The following ZNF365 variants were observed in gnomAD, a reference collection of about 807,000 sequenced individuals.
The protein encoded by ZNF365 is zinc finger protein 365.
ZNF365 carries 22 observed loss-of-function variants against 35.0 expected under a neutral mutation model. The ratio of observed to expected loss-of-function variants is 0.63; its 90% CI spans 0.45 to 0.90. The LOEUF (loss-of-function observed/expected upper bound fraction) is 0.90, where lower values mean the gene tolerates loss of function less well. Among genes scored for constraint, ZNF365 ranks in the 40% least tolerant of loss-of-function variants. The pLI is 0.00. For synonymous variants in ZNF365, 188 were observed against 196.2 expected (o/e 0.96, Z 0.35); for missense variants, 448 against 500.3 (o/e 0.90, Z 1.00).
downstream of ZNF365, among the ~76,000 whole-genome samples, chr10:62,404,401 A>G (rs1365178884): frequency 6.6e-6 from 1 of 152,250 alleles, no homozygotes; most frequent in East Asian, 1.9e-4. Context: ...CAGATGTCAA[A>G]TTACTAAATG....
chr10:62,454,597 A>G (rs928846378), intron 3 of ZNF365, among the ~76,000 whole-genome samples: 1 of 151,860 alleles, frequency 6.6e-6, no homozygotes, highest in Non-Finnish European at 1.5e-5. Flanking sequence ...CAAGGTGTTG[A>G]TGTTACTGAG....
At chr10:62,450,225 G>GT (rs777886469) in intron 3 of ZNF365, among the ~76,000 whole-genome samples, 1 of 152,152 alleles carries the variant, frequency 6.6e-6, no homozygotes, top group Non-Finnish European at 1.5e-5. Context: ...CAGGTAATTT[G>GT]TAACAACGAT....
At chr10:62,388,310 T>G in intron 2 of ZNF365, 86 bp from the exon 3 acceptor site, 4 of 1,479,994 alleles carry the variant, frequency 2.7e-6, no homozygotes, top group Non-Finnish European at 3.7e-6. Context: ...AACTGACAAA[T>G]AGTAGGCACT....
chr10:62,443,574 C>T (rs1271703861), intron 3 of ZNF365, among the ~76,000 whole-genome samples: 1 of 152,202 alleles, frequency 6.6e-6, no homozygotes, highest in Non-Finnish European at 1.5e-5. Context: ...GAGTTAAAAA[C>T]ATTAACTTCA....
chr10:62,459,007 G>T (rs2132479372), intron 3 of ZNF365, among the ~76,000 whole-genome samples: 1 of 152,270 alleles, frequency 6.6e-6, no homozygotes, highest in African/African-American at 2.4e-5. Flanking sequence ...ACCCATGAAA[G>T]AAATGACTAT....
At chr10:62,450,833 G>A (rs184196953) in intron 3 of ZNF365, among the ~76,000 whole-genome samples, 1 of 152,342 alleles carries the variant, frequency 6.6e-6, no homozygotes, top group East Asian at 1.9e-4. Flanking sequence ...TGGATATTGT[G>A]CTTGGTAAAT....
downstream of ZNF365, among the ~76,000 whole-genome samples, chr10:62,405,788 G>T (rs897172475): frequency 2.6e-5 from 4 of 152,180 alleles, no homozygotes; most frequent in Non-Finnish European, 5.9e-5. Context: ...AAGTGGCATT[G>T]TTCACTTTGG....
At chr10:62,419,597 T>A (rs1840134473) in intron 3 of ZNF365, among the ~76,000 whole-genome samples, 1 of 152,124 alleles carries the variant, frequency 6.6e-6, no homozygotes, top group South Asian at 2.1e-4. Context: ...GTGCACATTG[T>A]TTAGCTATTG....
intron 4 of ZNF365, among the ~76,000 whole-genome samples, chr10:62,469,529 A>G (rs928260304): frequency 2.0e-5 from 3 of 152,138 alleles, no homozygotes; most frequent in Non-Finnish European, 2.9e-5. Context: ...AATTTGATGG[A>G]GCTTGTATTG....
intron 4 of ZNF365, among the ~76,000 whole-genome samples, chr10:62,470,165 G>T (rs554606932): frequency 6.6e-6 from 1 of 152,294 alleles, no homozygotes; most frequent in African/African-American, 2.4e-5. Flanking sequence ...ATTTGGGAGT[G>T]ATCCAGGAAA....
At position 62,464,205 on chromosome 10, in the gene ZNF365, C is replaced by T. The variant is rs1457325070; in HGVS notation, c.981+4408C>T. Among the ~76,000 whole-genome samples the T allele has an allele frequency of 2.6e-5, 4 of 152,176 alleles. No individual in the cohort carries two copies. The East Asian group carries it at 7.7e-4, about 29-fold the overall frequency. ...GTGTCAAGTTCCTATGCAATTCATT[C>T]TTCCTGCCTTGCTAATTCTTATTCA... is the stretch of plus-strand genomic sequence containing the variant. On this transcript the variant is annotated intron_variant, in intron 4 of 4. Transcript: ENST00000395255.
At chr10:62,444,540 T>C (rs1840553125) in intron 3 of ZNF365, among the ~76,000 whole-genome samples, 1 of 152,152 alleles carries the variant, frequency 6.6e-6, no homozygotes, top group South Asian at 2.1e-4. Context: ...CTATTGTTGC[T>C]AGTCTCTGGA....
chr10:62,410,561 C>A (rs1488518405), intron 3 of ZNF365, among the ~76,000 whole-genome samples: 1 of 152,070 alleles, frequency 6.6e-6, no homozygotes, highest in Admixed American at 6.6e-5. Context: ...GTTCCCCACC[C>A]TATGTCTATG....
At chr10:62,479,845 T>C (rs766386622) in intron 4 of ZNF365, 1 of 1,514,346 alleles carries the variant, frequency 6.6e-7, no homozygotes, top group Non-Finnish European at 9.2e-7. Context: ...ACTGCAACTC[T>C]ACTAACTTTC....
At chr10:62,442,495 A>G (rs140425352) in intron 3 of ZNF365, among the ~76,000 whole-genome samples, 1 of 152,220 alleles carries the variant, frequency 6.6e-6, no homozygotes, top group African/African-American at 2.4e-5. Flanking sequence ...GGAGATACTC[A>G]CAGGCTTACG....
intron 4 of ZNF365, among the ~76,000 whole-genome samples, chr10:62,475,018 C>T (rs751442401): frequency 2.0e-5 from 3 of 152,198 alleles, no homozygotes; most frequent in Non-Finnish European, 4.4e-5. Flanking sequence ...GGGCTATGCA[C>T]CTGACAAGAA....
At chr10:62,427,500 C>T (rs760235106) in intron 3 of ZNF365, among the ~76,000 whole-genome samples, 1 of 152,124 alleles carries the variant, frequency 6.6e-6, no homozygotes, top group Non-Finnish European at 1.5e-5. Context: ...AGATGCATTT[C>T]TTGGAATGTA....
At chr10:62,471,167 T>A (rs187075511) in intron 4 of ZNF365, among the ~76,000 whole-genome samples, 2 of 151,778 alleles carry the variant, frequency 1.3e-5, no homozygotes, top group East Asian at 3.9e-4. Flanking sequence ...GAGATCGAGA[T>A]CATCCTGGCT....
At chr10:62,462,197 A>C (rs1446907045) in intron 4 of ZNF365, among the ~76,000 whole-genome samples, 1 of 152,152 alleles carries the variant, frequency 6.6e-6, no homozygotes, top group Non-Finnish European at 1.5e-5. Flanking sequence ...CCCCTCCCAC[A>C]CACACACACA....
Sources: allele counts gnomAD v4.1 joint callset (sites outside exome capture counted in the v4.1 genomes callset), GRCh38; gene constraint gnomAD v4.1.1; transcripts MANE v1.5; gene names NCBI Gene and HGNC (gene_info 2026-07-23, HGNC 2026-07-21).